IREB2: variants seen among roughly 807,000 people sequenced by gnomAD.
The protein encoded by IREB2 is iron responsive element binding protein 2.
IREB2 carries 39 observed loss-of-function variants against 118.8 expected under a neutral mutation model. That is an observed-to-expected ratio of 0.33 (90% confidence interval 0.25 to 0.43). The LOEUF (loss-of-function observed/expected upper bound fraction) is 0.43. Among genes scored for constraint, IREB2 ranks in the 20% least tolerant of loss-of-function variants. The pLI is 1.00. For synonymous variants in IREB2, 372 were observed against 392.2 expected, an observed-to-expected ratio of 0.95 and a Z score of 0.61; for missense variants, 900 against 1,147.3, an observed-to-expected ratio of 0.78 and a Z score of 3.11.
intron 2 of IREB2, among the ~76,000 whole-genome samples, chr15:78,450,022 G>C (rs954828099): frequency 2.6e-5 from 4 of 152,162 alleles, no homozygotes; most frequent in African/African-American, 7.2e-5. Flanking sequence ...TTCCTGATTA[G>C]AAGAGGCAGA....
At position 78,499,466 on chromosome 15, in the gene IREB2, A is replaced by G. The variant is rs1052472472; in HGVS notation, c.*1323A>G. 6.6e-6 allele frequency: 1 copy of G among 152,192 alleles called. No homozygotes were observed. The highest frequency in any genetic ancestry group is 2.1e-4 in the South Asian group (1 of 4,832). The allele number at this position is 152,192 out of a possible 1,614,324, so 9.4% of individuals were successfully genotyped here. ...TTCTATGACCTAGTTAGTTACTGCA[A>G]TTCAGAATTAGTTCACATTGCATAA... On this transcript the variant is annotated 3_prime_UTR_variant, in exon 22 of 22. Coordinates refer to ENST00000258886, the MANE Select transcript of IREB2 (RefSeq NM_004136.4).
rs201201058 is a variant in IREB2 at position 78,490,456 on chromosome 15, C to G, written c.2111C>G (p.Pro704Arg). ...GNKRWNSLEAPDSVLFPWDLK... is the reference protein window; with the variant it reads ...GNKRWNSLEARDSVLFPWDLK... ...AAACGGTGGAATTCCTTAGAAGCAC[C>G]GGATTCAGTTTTGTTTCCATGGGAC... is the stretch of plus-strand genomic sequence containing the variant. The change falls in exon 17 of 22, where the codon CCG (proline) becomes CGG (arginine). Residue 704 changes from proline (P) to arginine (R), a missense_variant. Coordinates refer to ENST00000258886, the MANE Select transcript of IREB2 (RefSeq NM_004136.4). The G allele has an allele frequency of 6.2e-7, 1 of 1,606,384 alleles. No homozygotes were observed. The highest frequency in any genetic ancestry group is 1.1e-5 in the South Asian group (1 of 89,264).
chr15:78,447,332 ATTTTTT>A (rs778920348), intron 2 of IREB2, among the ~76,000 whole-genome samples: 2 of 138,448 alleles, frequency 1.4e-5, no homozygotes, highest in African/African-American at 2.7e-5. Context: ...CACCTGGCTA[ATTTTTT>A]TTTTTTTTTT....
rs2050806383 is a variant in IREB2 at position 78,439,188 on chromosome 15, T to C, written c.20-607T>C. ...TCAGTTCGTGCAAAACCAGAAGACT[T>C]GTCTCTTTCGGGTAGAATATGCTAA... On this transcript the variant is annotated intron_variant, in intron 1 of 21. Transcript: ENST00000258886. Among the ~76,000 whole-genome samples, 3 of 152,230 alleles carry C rather than the reference T, an allele frequency of 2.0e-5. No homozygotes were observed. In the East Asian group the frequency reaches 5.8e-4, roughly 29 times the overall value.
chr15:78,492,848 A>G (rs1340430087), intron 18 of IREB2, among the ~76,000 whole-genome samples: 6 of 152,170 alleles, frequency 3.9e-5, no homozygotes, highest in Non-Finnish European at 7.4e-5. Flanking sequence ...GCAAGAGCCA[A>G]CATACCTGCT....
At position 78,468,271 on chromosome 15, in the gene IREB2, G is replaced by T. The variant is rs149489488; in HGVS notation, c.629+1782G>T. Among the ~76,000 whole-genome samples, 354 of 151,888 alleles carry T rather than the reference G, an allele frequency of 2.3e-3. 3 individuals are homozygous for T. The highest frequency in any genetic ancestry group is 8.3e-3 in the African/African-American group (345 of 41,428). On this transcript the variant is annotated intron_variant, in intron 5 of 21. Coordinates refer to ENST00000258886, the MANE Select transcript of IREB2 (RefSeq NM_004136.4). Reference sequence around the variant, plus strand: ...ACTGTCTTTTTTTTTGAGATGGAGGGTCTCTCTGTCACCCAGGCTGAGGTG... The same window carrying T: ...ACTGTCTTTTTTTTTGAGATGGAGGTTCTCTCTGTCACCCAGGCTGAGGTG...
chr15:78,466,829 G>A lies in IREB2; in HGVS notation c.629+340G>A, dbSNP rs990716888. On this transcript the variant is annotated intron_variant, in intron 5 of 21. Transcript: ENST00000258886. ...GTATATTTGTACCATTCATATACTC[G>A]TTAGTCATTCATATTTCTTATGTTA... Among the ~76,000 whole-genome samples, 7 of 151,954 alleles carry A rather than the reference G, an allele frequency of 4.6e-5. No homozygotes were observed. In the East Asian group the frequency reaches 1.2e-3, roughly 25 times the overall value.
intron 13 of IREB2, among the ~76,000 whole-genome samples, chr15:78,486,899 C>G (rs967639587): frequency 5.9e-5 from 9 of 152,086 alleles, no homozygotes; most frequent in African/African-American, 2.2e-4. Flanking sequence ...CAAACTTGTT[C>G]CCTTAAGTGA....
intron 2 of IREB2, among the ~76,000 whole-genome samples, chr15:78,445,152 T>TTGAGACAGAGTC (rs2050908494): frequency 6.6e-6 from 1 of 151,804 alleles, no homozygotes; most frequent in African/African-American, 2.4e-5. Flanking sequence ...TTTTTTTTTT[T>TTGAGACAGAGTC]TTTGAGACAG....
chr15:78,464,890 G>C (rs75557544), intron 3 of IREB2, among the ~76,000 whole-genome samples: 4 of 152,120 alleles, frequency 2.6e-5, no homozygotes, highest in Non-Finnish European at 4.4e-5. Context: ...AGCTACTGTG[G>C]ATAGCTTTGG....
chr15:78,499,683 CAAATTAT>C lies in IREB2; in HGVS notation c.*1542_*1548del, dbSNP rs2051906359. 1 of 152,154 alleles carries C rather than the reference CAAATTAT, an allele frequency of 6.6e-6. No individual in the cohort carries two copies. Among genetic ancestry groups the C allele is most frequent in the African/African-American group, 2.4e-5 (1 of 41,420 alleles). The allele number at this position is 152,154 out of a possible 1,614,324, so 9.4% of individuals were successfully genotyped here. ...GTATAAGTATTTTCTTCGACACTTT[CAAATTAT>C]ATTGTGTTCTTGATATATGCTGTAT... On this transcript the variant is annotated 3_prime_UTR_variant, in exon 22 of 22. Transcript: ENST00000258886.
intron 2 of IREB2, among the ~76,000 whole-genome samples, chr15:78,449,275 A>G (rs1392810214): frequency 6.6e-6 from 1 of 152,186 alleles, no homozygotes; most frequent in Non-Finnish European, 1.5e-5. Context: ...AAGCTCTGTT[A>G]TACACTTGGC....
rs375180701 is a variant in IREB2 at position 78,471,726 on chromosome 15, T to A, written c.700-15T>A. The A allele has an allele frequency of 1.0e-5, 16 of 1,532,378 alleles. No individual in the cohort carries two copies. In the African/African-American group the frequency reaches 2.2e-4, roughly 21 times the overall value. 94.9% of individuals were successfully genotyped at this position (1,532,378 alleles called of 1,614,324 possible). A position where few individuals can be genotyped will look rare whatever the true frequency, so the allele number is the denominator to read the frequency against. ...ATACTAACATTTGTATTTCTTAAAT[T>A]TAAACAAAATATAGTGGAGTTCAAG... On this transcript the variant is annotated splice_polypyrimidine_tract_variant and intron_variant, in intron 6 of 21. Coordinates refer to ENST00000258886, the MANE Select transcript of IREB2 (RefSeq NM_004136.4).
intron 20 of IREB2, among the ~76,000 whole-genome samples, chr15:78,496,605 GT>G: frequency 6.6e-6 from 1 of 151,300 alleles, no homozygotes; most frequent in South Asian, 2.1e-4. Flanking sequence ...TTATTTTTAT[GT>G]TTTGTAGAGA....
chr15:78,479,320 GTTT>G, intron 10 of IREB2, among the ~76,000 whole-genome samples: 1 of 148,878 alleles, frequency 6.7e-6, no homozygotes, highest in Middle Eastern at 3.5e-3. Context: ...CAGTGCTTTT[GTTT>G]TATTCATTAA....
chr15:78,462,974 T>G lies in IREB2; in HGVS notation c.159T>G (p.Cys53Trp). The G allele has an allele frequency of 6.2e-7, 1 of 1,613,444 alleles. No homozygotes were observed. Reference protein sequence around the residue: ...RVLLEAAVRNCDGFLMKKEDV... With the variant: ...RVLLEAAVRNWDGFLMKKEDV... ...TGTTGGAAGCTGCTGTACGAAATTG[T>G]GATGGCTTTTTAATGAAGAAGGAAG... The change falls in exon 3 of 22, where the codon TGT becomes TGG. Residue 53 changes from cysteine (C) to tryptophan (W), a missense_variant. By Grantham distance (215) the Cys-to-Trp change is radical (BLOSUM62 -2). Coordinates refer to ENST00000258886, the MANE Select transcript of IREB2 (RefSeq NM_004136.4).
chr15:78,498,330 A>G lies in IREB2; in HGVS notation c.*187A>G, dbSNP rs1210607019. ...CTTCTTGATTTTAAATAATATACGA[A>G]TGGTGCTATTAATATTGCTAAAATC... On this transcript the variant is annotated 3_prime_UTR_variant, in exon 22 of 22. Coordinates refer to ENST00000258886, the MANE Select transcript of IREB2 (RefSeq NM_004136.4). 2.4e-6 allele frequency: 1 copy of G among 425,482 alleles called. No homozygotes were observed. Among genetic ancestry groups the G allele is most frequent in the Non-Finnish European group, 4.2e-6 (1 of 235,640 alleles). 26.4% of individuals were successfully genotyped at this position (425,482 alleles called of 1,614,324 possible).
chr15:78,440,178 G>C (rs2050823646), intron 2 of IREB2, among the ~76,000 whole-genome samples: 1 of 151,940 alleles, frequency 6.6e-6, no homozygotes, highest in African/African-American at 2.4e-5. Context: ...GTGAAGACAG[G>C]GGTCTTGCTA....
chr15:78,456,139 T>G (rs1444102907), intron 2 of IREB2, among the ~76,000 whole-genome samples: 1 of 152,150 alleles, frequency 6.6e-6, no homozygotes, highest in African/African-American at 2.4e-5. Context: ...AGAACTGATT[T>G]CAATACAGAT....
Sources: allele counts gnomAD v4.1 joint callset (sites outside exome capture counted in the v4.1 genomes callset), GRCh38; gene constraint gnomAD v4.1.1; transcripts MANE v1.5; gene names NCBI Gene and HGNC (gene_info 2026-07-23, HGNC 2026-07-21).